Variants in NKAIN2 observed in about 807,000 individuals in gnomAD.
NKAIN2 encodes sodium/potassium transporting ATPase interacting 2.
A neutral mutation model predicts 32.6 loss-of-function variants in NKAIN2; 14 were observed. The observed-to-expected ratio is 0.43, with a 90% confidence interval of 0.28 to 0.67. NKAIN2 has a LOEUF of 0.67. NKAIN2 is among the 30% of genes least tolerant of loss of function. The pLI is 0.17. For synonymous variants in NKAIN2, 80 were observed against 87.2 expected (o/e 0.92, Z 0.46); for missense variants, 198 against 258.3 (o/e 0.77, Z 1.60).
intron 3 of NKAIN2, among the ~76,000 whole-genome samples, chr6:124,370,603 T>G (rs919233351): frequency 2.0e-5 from 3 of 152,130 alleles, no homozygotes; most frequent in African/African-American, 7.2e-5. Context: ...TTCTTATGTG[T>G]AAAAACTAGG....
intron 1 of NKAIN2, among the ~76,000 whole-genome samples, chr6:124,186,938 A>T (rs1789773481): frequency 6.7e-6 from 1 of 149,328 alleles, no homozygotes; most frequent in Non-Finnish European, 1.5e-5. Context: ...AAAACAGAGA[A>T]TTTTTTCTGA....
intron 1 of NKAIN2, among the ~76,000 whole-genome samples, chr6:124,072,768 A>C (rs2114884362): frequency 6.6e-6 from 1 of 152,152 alleles, no homozygotes. Context: ...TATTCACCCA[A>C]GTTTTATTTC....
chr6:124,010,170 C>T (rs1780261396), intron 1 of NKAIN2, among the ~76,000 whole-genome samples: 1 of 152,062 alleles, frequency 6.6e-6, no homozygotes, highest in Non-Finnish European at 1.5e-5. Flanking sequence ...GGACCACTCC[C>T]ATTTCTAATT....
chr6:124,467,111 AGTCAAT>A (rs1776791013), intron 3 of NKAIN2, among the ~76,000 whole-genome samples: 1 of 152,130 alleles, frequency 6.6e-6, no homozygotes, highest in South Asian at 2.1e-4. Flanking sequence ...TTCATACATG[AGTCAAT>A]GTTTATTTTG....
chr6:124,222,782 C>A (rs897175564), intron 1 of NKAIN2, among the ~76,000 whole-genome samples: 1 of 152,102 alleles, frequency 6.6e-6, no homozygotes, highest in Non-Finnish European at 1.5e-5. Flanking sequence ...AGAATCAATG[C>A]GTCTCTTGCT....
chr6:123,821,671 G>A (rs1027152749), intron 1 of NKAIN2, among the ~76,000 whole-genome samples: 3 of 152,160 alleles, frequency 2.0e-5, no homozygotes, highest in Non-Finnish European at 4.4e-5. Flanking sequence ...TGAAACCACT[G>A]TGGGTGTGTA....
chr6:124,527,288 T>A, intron 3 of NKAIN2, among the ~76,000 whole-genome samples: 1 of 152,154 alleles, frequency 6.6e-6, no homozygotes, highest in East Asian at 1.9e-4. Flanking sequence ...CCACATAACA[T>A]TTAAGAATGT....
At chr6:124,413,248 C>G (rs569731465) in intron 3 of NKAIN2, among the ~76,000 whole-genome samples, 15 of 152,156 alleles carry the variant, frequency 9.9e-5, no homozygotes, top group Non-Finnish European at 2.1e-4. Context: ...GCAGAAATCA[C>G]CTGTCTTCTG....
chr6:124,392,569 A>G (rs571310249), intron 3 of NKAIN2, among the ~76,000 whole-genome samples: 2 of 152,226 alleles, frequency 1.3e-5, no homozygotes, highest in African/African-American at 4.8e-5. Context: ...GCCGAAGAAA[A>G]GTTTAGGGCT....
At chr6:123,820,498 A>T (rs995021146) in intron 1 of NKAIN2, among the ~76,000 whole-genome samples, 6 of 152,186 alleles carry the variant, frequency 3.9e-5, no homozygotes, top group African/African-American at 1.2e-4. Context: ...TGCACTTCCC[A>T]TTAATGTGGC....
intron 2 of NKAIN2, among the ~76,000 whole-genome samples, chr6:124,294,002 CTT>C (rs1431841478): frequency 1.3e-5 from 2 of 151,976 alleles, no homozygotes; most frequent in Admixed American, 6.6e-5. Flanking sequence ...ATGTCTTAGT[CTT>C]TTTTGTGTTG....
chr6:124,111,048 T>C (rs1171727034), intron 1 of NKAIN2, among the ~76,000 whole-genome samples: 1 of 152,124 alleles, frequency 6.6e-6, no homozygotes, highest in Non-Finnish European at 1.5e-5. Context: ...TTGATATGTG[T>C]GTTTCTAGCA....
At chr6:124,324,162 A>G (rs776813916) in intron 2 of NKAIN2, among the ~76,000 whole-genome samples, 5 of 152,140 alleles carry the variant, frequency 3.3e-5, no homozygotes, top group Non-Finnish European at 7.3e-5. Flanking sequence ...TGGGATTTAA[A>G]TGGCAATTTC....
intron 3 of NKAIN2, among the ~76,000 whole-genome samples, chr6:124,624,337 C>T (rs1484106381): frequency 2.0e-5 from 3 of 152,080 alleles, no homozygotes; most frequent in Non-Finnish European, 4.4e-5. Context: ...TAAAAAGGAA[C>T]ACTGGGGTAA....
intron 1 of NKAIN2, among the ~76,000 whole-genome samples, chr6:124,029,731 C>T (rs1429324449): frequency 2.0e-5 from 3 of 152,246 alleles, no homozygotes; most frequent in Admixed American, 6.5e-5. Context: ...TGTTAGGAAC[C>T]AGGCAACAGC....
chr6:124,422,494 T>C (rs978681718), intron 3 of NKAIN2, among the ~76,000 whole-genome samples: 3 of 152,210 alleles, frequency 2.0e-5, no homozygotes, highest in Non-Finnish European at 4.4e-5. Flanking sequence ...CTGTGTACTA[T>C]CTCAGAAAGA....
intron 1 of NKAIN2, among the ~76,000 whole-genome samples, chr6:123,821,454 T>C (rs1467190099): frequency 6.6e-6 from 1 of 152,186 alleles, no homozygotes; most frequent in African/African-American, 2.4e-5. Context: ...CTAAAATTTA[T>C]TTTTTGATTT....
chr6:123,965,896 G>A (rs568616083), intron 1 of NKAIN2, among the ~76,000 whole-genome samples: 17 of 152,194 alleles, frequency 1.1e-4, no homozygotes, highest in Non-Finnish European at 1.6e-4. Flanking sequence ...TAATTAGAGG[G>A]ACTCAAAACA....
intron 1 of NKAIN2, among the ~76,000 whole-genome samples, chr6:124,052,502 C>G (rs1432740929): frequency 6.6e-6 from 1 of 152,070 alleles, no homozygotes; most frequent in Non-Finnish European, 1.5e-5. Flanking sequence ...AACTGCCTTT[C>G]ATTGTACCTA....
Sources: allele counts gnomAD v4.1 joint callset (sites outside exome capture counted in the v4.1 genomes callset), GRCh38; gene constraint gnomAD v4.1.1; transcripts MANE v1.5; gene names NCBI Gene and HGNC (gene_info 2026-07-23, HGNC 2026-07-21).